Variants in POLN observed in about 807,000 individuals in gnomAD.
The protein encoded by POLN is DNA polymerase nu, also known as DNA polymerase N.
A neutral mutation model predicts 113.5 loss-of-function variants in POLN; 108 were observed. That is an observed-to-expected ratio of 0.95 (90% confidence interval 0.81 to 1.12). POLN has a LOEUF of 1.12. POLN is among the 50% of genes most tolerant of loss of function. The pLI is 0.00. For synonymous variants in POLN, 386 were observed against 391.5 expected (o/e 0.99, Z 0.17); for missense variants, 1,097 against 1,077.1 (o/e 1.02, Z -0.26).
chr4:2,220,894 G>A (rs1465764561), intron 3 of POLN, among the ~76,000 whole-genome samples: 1 of 152,134 alleles, frequency 6.6e-6, no homozygotes, highest in East Asian at 1.9e-4. Flanking sequence ...ACATACGTAT[G>A]CATGTGTATA....
At chr4:2,234,214 C>T (rs1734678927) in intron 2 of POLN, 1 of 152,146 alleles carries the variant, frequency 6.6e-6, no homozygotes, top group African/African-American at 2.4e-5. Context: ...AAAAACAAAA[C>T]TATGGTCTTT....
At position 2,179,378 on chromosome 4, in the gene POLN, T is replaced by C; in HGVS notation, c.1109A>G (p.Glu370Gly). The C allele has an allele frequency of 6.2e-7, 1 of 1,613,200 alleles. No individual in the cohort carries two copies. The highest frequency in any genetic ancestry group is 8.5e-7 in the Non-Finnish European group (1 of 1,179,182). The change falls in exon 8 of 26, where the codon GAA becomes GGA. Residue 370 changes from glutamate (E) to glycine (G), a missense_variant. Coordinates refer to ENST00000511885, the MANE Select transcript of POLN (RefSeq NM_181808.4). ...DATPSFEDLV[E>G]KYCEKSITVK... ...TGTAATGGATTTTTCACAGTATTTT[T>C]CTACTAAATCTTCAAAAGAGGGTGT...
intron 5 of POLN, among the ~76,000 whole-genome samples, chr4:2,205,340 T>C (rs1437655062): frequency 1.3e-5 from 2 of 151,950 alleles, no homozygotes; most frequent in Non-Finnish European, 2.9e-5. Context: ...CCTTTTACAA[T>C]AGCTGCAAAA....
At chr4:2,169,229 T>TG (rs1732801961) in intron 13 of POLN, among the ~76,000 whole-genome samples, 1 of 152,188 alleles carries the variant, frequency 6.6e-6, no homozygotes, top group African/African-American at 2.4e-5. Flanking sequence ...TCAGATTTGA[T>TG]GCTAAGTGCA....
At chr4:2,177,968 G>C (rs1383832925) in intron 8 of POLN, among the ~76,000 whole-genome samples, 2 of 152,210 alleles carry the variant, frequency 1.3e-5, no homozygotes, top group Non-Finnish European at 2.9e-5. Context: ...CCCAAGGCCT[G>C]GTACTGCCTT....
At chr4:2,139,370 C>A (rs542255340) in intron 16 of POLN, among the ~76,000 whole-genome samples, 1 of 152,322 alleles carries the variant, frequency 6.6e-6, no homozygotes, top group East Asian at 1.9e-4. Context: ...AGCCTTTGGC[C>A]CTGATAATCC....
At chr4:2,166,364 CGTTCT>C (rs1732728277) in intron 13 of POLN, among the ~76,000 whole-genome samples, 1 of 152,206 alleles carries the variant, frequency 6.6e-6, no homozygotes, top group Non-Finnish European at 1.5e-5. Context: ...AACTCCTTAG[CGTTCT>C]CTCTGGACCA....
chr4:2,219,655 A>C (rs1362328310), intron 3 of POLN, among the ~76,000 whole-genome samples: 1 of 152,046 alleles, frequency 6.6e-6, no homozygotes, highest in Admixed American at 6.6e-5. Context: ...CGGTAAATAG[A>C]GCATCCAGAG....
intron 13 of POLN, among the ~76,000 whole-genome samples, chr4:2,163,692 G>A (rs1238880821): frequency 2.0e-5 from 3 of 152,218 alleles, no homozygotes; most frequent in Admixed American, 1.3e-4. Context: ...AGGCTCCCCC[G>A]CCCAATTCTG....
chr4:2,149,419 A>C (rs1379864962), intron 16 of POLN, among the ~76,000 whole-genome samples: 1 of 152,214 alleles, frequency 6.6e-6, no homozygotes, highest in Non-Finnish European at 1.5e-5. Context: ...GCAGACCTAC[A>C]ATGCAGGAAA....
At chr4:2,109,528 T>C (rs896215743) in intron 19 of POLN, among the ~76,000 whole-genome samples, 3 of 152,242 alleles carry the variant, frequency 2.0e-5, no homozygotes, top group African/African-American at 7.2e-5. Context: ...TCTTTAGTTC[T>C]GTCAATTTTT....
chr4:2,170,611 GGTCAGCACACATGTGGTGCAGACATGCT>G, intron 13 of POLN, 40 bp downstream of exon 13: 1 of 1,376,668 alleles, frequency 7.3e-7, no homozygotes, highest in Non-Finnish European at 1.0e-6. Context: ...TGGGTCTGAA[GGTCAGCACACATGTGGTGCAGACATGCT>G]GTCATTCTAA....
At chr4:2,135,294 CAT>C (rs373220789) in intron 16 of POLN, among the ~76,000 whole-genome samples, 151 of 152,310 alleles carry the variant, frequency 9.9e-4, no homozygotes, top group African/African-American at 3.5e-3. Context: ...CACAGAACCA[CAT>C]GTGTTTCTTC....
At chr4:2,155,208 AG>A (rs1041617602) in intron 16 of POLN, among the ~76,000 whole-genome samples, 1 of 152,238 alleles carries the variant, frequency 6.6e-6, no homozygotes, top group African/African-American at 2.4e-5. Context: ...AATTAGCCCA[AG>A]GGTAACGTGG....
At chr4:2,143,999 C>T (rs1732069979) in intron 16 of POLN, among the ~76,000 whole-genome samples, 1 of 151,746 alleles carries the variant, frequency 6.6e-6, no homozygotes, top group Admixed American at 6.6e-5. Flanking sequence ...ATACATTGCC[C>T]ATGGGAACTT....
chr4:2,134,954 T>C (rs1731817217), intron 16 of POLN, among the ~76,000 whole-genome samples: 1 of 152,210 alleles, frequency 6.6e-6, no homozygotes, highest in South Asian at 2.1e-4. Context: ...AACTCCTTCC[T>C]TCTGCTTGTG....
chr4:2,222,842 C>T (rs1734295299), intron 3 of POLN, among the ~76,000 whole-genome samples: 1 of 152,094 alleles, frequency 6.6e-6, no homozygotes, highest in African/African-American at 2.4e-5. Context: ...GCCAGACAAA[C>T]CCACCTTGAG....
At chr4:2,074,032 C>T (rs1157243859) in intron 24 of POLN, among the ~76,000 whole-genome samples, 1 of 152,250 alleles carries the variant, frequency 6.6e-6, no homozygotes, top group Non-Finnish European at 1.5e-5. Context: ...AGAGCCGGCC[C>T]AGGCCAAGCT....
intron 19 of POLN, among the ~76,000 whole-genome samples, chr4:2,096,324 G>A (rs1257722201): frequency 6.6e-6 from 1 of 152,194 alleles, no homozygotes. Flanking sequence ...GGCCTATCTA[G>A]TCCCACTGCT....
Sources: gnomAD v4.1 joint callset for allele counts (sites outside exome capture counted in the v4.1 genomes callset) on GRCh38, gnomAD v4.1.1 for gene constraint, MANE v1.5 for transcripts, NCBI Gene and HGNC (gene_info 2026-07-23, HGNC 2026-07-21) for gene names.